PRKCE: variants seen among roughly 807,000 people sequenced by gnomAD.
PRKCE encodes the protein protein kinase C epsilon, also known as protein kinase C epsilon type.
PRKCE carries 16 observed loss-of-function variants against 85.4 expected under a neutral mutation model. The ratio of observed to expected loss-of-function variants is 0.19; its 90% CI spans 0.13 to 0.28. The LOEUF is 0.28. Among genes scored for constraint, PRKCE ranks in the 10% least tolerant of loss-of-function variants. The pLI, the probability that PRKCE is intolerant of heterozygous loss-of-function variation, is 1.00. For synonymous variants in PRKCE, 388 were observed against 371.5 expected (o/e 1.04, Z -0.51); for missense variants, 573 against 975.2 (o/e 0.59, Z 5.49).
chr2:46,181,969 G>A (rs553810955), intron 14 of PRKCE, among the ~76,000 whole-genome samples: 19 of 152,210 alleles, frequency 1.2e-4, no homozygotes, highest in Admixed American at 1.0e-3. Context: ...GGATTATACC[G>A]GTCTACCACA....
chr2:46,149,302 T>A (rs915971805), intron 12 of PRKCE, among the ~76,000 whole-genome samples: 1 of 152,144 alleles, frequency 6.6e-6, no homozygotes, highest in African/African-American at 2.4e-5. Context: ...GGCATGAACT[T>A]TGCCTTTTTT....
intron 6 of PRKCE, among the ~76,000 whole-genome samples, chr2:45,987,031 T>G (rs765641885): frequency 1.1e-4 from 5 of 44,238 alleles, no homozygotes; most frequent in Non-Finnish European, 1.7e-4. Flanking sequence ...CTGATGTCTG[T>G]TTTTTTTTTT....
intron 10 of PRKCE, among the ~76,000 whole-genome samples, chr2:46,049,386 T>C (rs1708721406): frequency 6.6e-6 from 1 of 152,204 alleles, no homozygotes; most frequent in African/African-American, 2.4e-5. Context: ...TGCCCACAGA[T>C]ACTTTAAGCT....
intron 10 of PRKCE, among the ~76,000 whole-genome samples, chr2:46,039,551 G>A (rs1313186050): frequency 6.6e-6 from 1 of 151,892 alleles, no homozygotes; most frequent in African/African-American, 2.4e-5. Context: ...TGTTTTAGTA[G>A]AGGGGGAGGG....
chr2:45,922,349 C>G (rs1698310911), intron 2 of PRKCE, among the ~76,000 whole-genome samples: 1 of 152,156 alleles, frequency 6.6e-6, no homozygotes, highest in South Asian at 2.1e-4. Flanking sequence ...TTTATACTGG[C>G]TGAGCTGCTA....
chr2:46,010,532 A>G lies in PRKCE; in HGVS notation c.1437+15A>G. On this transcript the variant is annotated intron_variant, in intron 10 of 14. Transcript: ENST00000306156. ...TCCAGACCAAGGTATGTTAGGAAGAAGCTGGCTGGCTGCCATGTTGGGGCA... is the reference window on the plus strand; with the variant it reads ...TCCAGACCAAGGTATGTTAGGAAGAGGCTGGCTGGCTGCCATGTTGGGGCA... 6.3e-7 allele frequency: 1 copy of G among 1,598,638 alleles called. No individual in the cohort carries two copies. The highest frequency in any genetic ancestry group is 1.1e-5 in the South Asian group (1 of 91,030).
intron 2 of PRKCE, among the ~76,000 whole-genome samples, chr2:45,858,340 C>G (rs1692848024): frequency 6.6e-6 from 1 of 151,980 alleles, no homozygotes; most frequent in African/African-American, 2.4e-5. Flanking sequence ...CTGCATGAGG[C>G]CTTCGTCAGC....
At chr2:45,861,003 T>C (rs1376459510) in intron 2 of PRKCE, among the ~76,000 whole-genome samples, 4 of 152,220 alleles carry the variant, frequency 2.6e-5, no homozygotes, top group African/African-American at 7.2e-5. Context: ...TTGTGTGCTG[T>C]TGCAGTAACA....
chr2:46,000,149 TG>T (rs1401881440), intron 6 of PRKCE, among the ~76,000 whole-genome samples: 168 of 151,652 alleles, frequency 1.1e-3, no homozygotes, highest in African/African-American at 3.8e-3. Flanking sequence ...GGGGTTTTTT[TG>T]TTTTTTTTTT....
intron 2 of PRKCE, among the ~76,000 whole-genome samples, chr2:45,856,599 A>G (rs567774072): frequency 1.3e-5 from 2 of 152,258 alleles, no homozygotes; most frequent in South Asian, 2.1e-4. Flanking sequence ...TATACGACAC[A>G]TTGTTATTTG....
At chr2:45,837,525 G>A (rs1690979690) in intron 1 of PRKCE, among the ~76,000 whole-genome samples, 1 of 152,172 alleles carries the variant, frequency 6.6e-6, no homozygotes, top group Admixed American at 6.5e-5. Context: ...CTAAAGTGCT[G>A]GGATTATAGG....
chr2:45,709,740 T>A (rs899628362), intron 1 of PRKCE, among the ~76,000 whole-genome samples: 2 of 152,062 alleles, frequency 1.3e-5, no homozygotes, highest in African/African-American at 4.8e-5. Flanking sequence ...CCAGTCCCCA[T>A]CTCTATTCAC....
At chr2:46,170,166 T>C (rs1383541591) in intron 14 of PRKCE, among the ~76,000 whole-genome samples, 1 of 152,190 alleles carries the variant, frequency 6.6e-6, no homozygotes, top group African/African-American at 2.4e-5. Flanking sequence ...GCACAATAAG[T>C]ATATAGAACA....
intron 2 of PRKCE, among the ~76,000 whole-genome samples, chr2:45,876,692 A>T (rs1234246850): frequency 1.3e-5 from 2 of 152,172 alleles, no homozygotes; most frequent in East Asian, 3.9e-4. Context: ...ACTCTCTCTT[A>T]TGCCTGGATA....
chr2:45,979,063 C>G lies in PRKCE; in HGVS notation c.607+53C>G, dbSNP rs1702681476. 3 of 1,539,454 alleles carry G rather than the reference C, an allele frequency of 1.9e-6. No homozygotes were observed. In the South Asian group the frequency reaches 3.4e-5, roughly 17 times the overall value. On this transcript the variant is annotated intron_variant, in intron 4 of 14. Coordinates refer to ENST00000306156, the MANE Select transcript of PRKCE (RefSeq NM_005400.3). The stretch of plus-strand genomic sequence containing the variant: ...CAGAGGCCCGTGGTTAGATCCAGAT[C>G]ACTGGCACCCATAGGAGGCAGGTGC...
intron 14 of PRKCE, among the ~76,000 whole-genome samples, chr2:46,172,560 A>G (rs1364600210): frequency 6.6e-6 from 1 of 152,252 alleles, no homozygotes; most frequent in Non-Finnish European, 1.5e-5. Flanking sequence ...AGAACTGCCC[A>G]GAAATGCCTC....
rs370710295 is a variant in PRKCE at position 45,761,326 on chromosome 2, CAAAAAAA to C, written c.349-81656_349-81650del. On this transcript the variant is annotated intron_variant, in intron 1 of 14. Coordinates refer to ENST00000306156, the MANE Select transcript of PRKCE (RefSeq NM_005400.3). ...TGGGCGACAGAGCGAGACTCCATCT[CAAAAAAA>C]AAAAAAAAAAAAAAAAATCTAAGTA... Among the ~76,000 whole-genome samples the C allele has an allele frequency of 1.2e-4, 10 of 82,260 alleles. No individual in the cohort carries two copies. In the East Asian group the frequency reaches 1.3e-3, roughly 10 times the overall value. 54.0% of individuals were successfully genotyped at this position (82,260 alleles called of 152,430 possible).
At chr2:45,781,047 A>G (rs1686138805) in intron 1 of PRKCE, among the ~76,000 whole-genome samples, 1 of 152,156 alleles carries the variant, frequency 6.6e-6, no homozygotes, top group African/African-American at 2.4e-5. Context: ...AAATCAAATG[A>G]CTAGGCCGGG....
intron 1 of PRKCE, among the ~76,000 whole-genome samples, chr2:45,764,879 T>C (rs1198266457): frequency 6.6e-6 from 1 of 152,246 alleles, no homozygotes; most frequent in Non-Finnish European, 1.5e-5. Flanking sequence ...TCTTTATTCT[T>C]GTTCTTATGT....
Sources: allele counts gnomAD v4.1 joint callset (sites outside exome capture counted in the v4.1 genomes callset), GRCh38; gene constraint gnomAD v4.1.1; transcripts MANE v1.5; gene names NCBI Gene and HGNC (gene_info 2026-07-23, HGNC 2026-07-21).